PSD3: variants seen among roughly 807,000 people sequenced by gnomAD.
PSD3 encodes the protein PH and SEC7 domain-containing protein 3.
Under a neutral mutation model 105.5 loss-of-function variants are expected in PSD3, and 49 were observed. That is an observed-to-expected ratio of 0.46 (90% CI 0.37 to 0.59). PSD3 has a LOEUF of 0.59. PSD3 is among the 20% of genes least tolerant of loss of function. PSD3 has a pLI of 0.00. For missense variants in PSD3, 1,561 were observed against 1,263.8 expected (o/e 1.24, Z -3.57); for synonymous variants, 557 against 457.8 (o/e 1.22, Z -2.77).
chr8:18,764,456 T>TC lies in PSD3; in HGVS notation c.2172+992dup, dbSNP rs530341730. Among the ~76,000 whole-genome samples the TC allele has an allele frequency of 1.2e-3, 180 of 152,344 alleles. 1 individual carries two copies. Among genetic ancestry groups the TC allele is most frequent in the Admixed American group, 3.3e-3 (50 of 15,298 alleles). ...GCTACTTTTCTTCCTGATTTTTTTT[T>TC]CATAATTTCTTGTAATGTGCTGCAA... On this transcript the variant is annotated intron_variant, in intron 9 of 15. Transcript: ENST00000327040.
At chr8:18,985,062 T>C (rs142072681) in intron 1 of PSD3, among the ~76,000 whole-genome samples, 8 of 152,074 alleles carry the variant, frequency 5.3e-5, no homozygotes, top group South Asian at 2.1e-4. Flanking sequence ...GTCTCCGGAG[T>C]AGCTGGGATT....
chr8:18,736,143 A>G (rs551454685), intron 9 of PSD3, among the ~76,000 whole-genome samples: 2 of 152,328 alleles, frequency 1.3e-5, no homozygotes, highest in African/African-American at 4.8e-5. Flanking sequence ...TAAACCTTAT[A>G]TATCTCACGT....
At chr8:18,666,442 C>G (rs987375703) in intron 9 of PSD3, among the ~76,000 whole-genome samples, 2 of 152,234 alleles carry the variant, frequency 1.3e-5, no homozygotes, top group African/African-American at 4.8e-5. Context: ...TGGTCTAGAA[C>G]TGAACCTGTA....
intron 7 of PSD3, 66 bp downstream of exon 7, chr8:18,801,204 A>G: frequency 1.0e-6 from 1 of 991,308 alleles, no homozygotes; most frequent in East Asian, 2.5e-5. Context: ...AATAAAATTT[A>G]ACTTTCATAA....
At chr8:19,052,393 A>G (rs1828559653) in intron 1 of PSD3, among the ~76,000 whole-genome samples, 1 of 151,300 alleles carries the variant, frequency 6.6e-6, no homozygotes, top group Admixed American at 6.6e-5. Flanking sequence ...AATCACTTGA[A>G]CCCAGGAGGC....
rs544160302 is a variant in PSD3 at position 18,911,815 on chromosome 8, A to ATGTGT, written c.130+24218_130+24219insACACA. Among the ~76,000 whole-genome samples, 131 of 152,282 alleles carry ATGTGT rather than the reference A, an allele frequency of 8.6e-4. 2 individuals carry two copies. The South Asian group carries it at 0.026, about 30-fold the overall frequency. ...TCTACCCCCCACCACACACATCACT[A>ATGTGT]GTCATCATGAACACAATGAAGCAGA... On this transcript the variant is annotated intron_variant, in intron 2 of 15. Coordinates refer to ENST00000327040, the MANE Select transcript of PSD3 (RefSeq NM_015310.4).
chr8:18,738,816 C>A (rs1157723262), intron 9 of PSD3, among the ~76,000 whole-genome samples: 1 of 151,456 alleles, frequency 6.6e-6, no homozygotes, highest in Non-Finnish European at 1.5e-5. Flanking sequence ...TATACCACAC[C>A]CGCTCCGAAA....
intron 1 of PSD3, among the ~76,000 whole-genome samples, chr8:18,985,306 G>A (rs914426349): frequency 4.5e-4 from 68 of 152,072 alleles, no homozygotes; most frequent in African/African-American, 1.5e-3. Context: ...TATACCTCCT[G>A]TAAAATTATG....
intron 1 of PSD3, among the ~76,000 whole-genome samples, chr8:18,958,802 T>A (rs954296285): frequency 3.3e-5 from 5 of 152,196 alleles, no homozygotes; most frequent in African/African-American, 1.2e-4. Flanking sequence ...ACAAAGAACT[T>A]CTACAAATCT....
Position 18,779,035 on chromosome 8 carries a change from ATCT to A in PSD3, c.2083-13500_2083-13498del, listed in dbSNP as rs146351775. Among the ~76,000 whole-genome samples, 1,027 of 152,170 alleles carry A rather than the reference ATCT, an allele frequency of 6.7e-3. 12 individuals are homozygous for A. The highest frequency in any genetic ancestry group is 0.023 in the African/African-American group (968 of 41,522). Reference sequence around the variant, plus strand: ...ATAGTTTGAGGAGAACTGATGTTAGATCTTCTTTGTAAGTTTGTAGCATTCAGC... The same window carrying A: ...ATAGTTTGAGGAGAACTGATGTTAGATCTTTGTAAGTTTGTAGCATTCAGC... On this transcript the variant is annotated intron_variant, in intron 8 of 15. Transcript: ENST00000327040.
chr8:18,879,084 ACACG>A (rs879424807), intron 2 of PSD3, among the ~76,000 whole-genome samples: 3,463 of 129,864 alleles, frequency 0.027, 42 homozygotes, highest in African/African-American at 0.05. Flanking sequence ...ACACACACAC[ACACG>A]CACACACAAC....
At chr8:18,720,677 C>T (rs558980934) in intron 9 of PSD3, among the ~76,000 whole-genome samples, 1 of 152,184 alleles carries the variant, frequency 6.6e-6, no homozygotes, top group East Asian at 1.9e-4. Flanking sequence ...AGTACAAACC[C>T]ATCCTCCCTG....
At chr8:18,986,821 G>A (rs1825519921) in intron 1 of PSD3, among the ~76,000 whole-genome samples, 1 of 152,184 alleles carries the variant, frequency 6.6e-6, no homozygotes, top group Admixed American at 6.5e-5. Context: ...GCAGTGGGCA[G>A]ATAAGGAACT....
At chr8:18,721,354 A>C (rs1197557820) in intron 9 of PSD3, among the ~76,000 whole-genome samples, 1 of 152,060 alleles carries the variant, frequency 6.6e-6, no homozygotes, top group African/African-American at 2.4e-5. Flanking sequence ...CATGCCTACA[A>C]ATGTCTATCA....
At chr8:18,571,939 T>G (rs530864186) in intron 14 of PSD3, among the ~76,000 whole-genome samples, 34 of 152,268 alleles carry the variant, frequency 2.2e-4, no homozygotes, top group African/African-American at 7.5e-4. Context: ...AAAAAGGACA[T>G]GATAAAATAT....
At position 18,879,074 on chromosome 8, in the gene PSD3, A is replaced by G. The variant is rs1456899683; in HGVS notation, c.131-6341T>C. On this transcript the variant is annotated intron_variant, in intron 2 of 15. Transcript: ENST00000327040. ...CAAACACACACACACACACACACAC[A>G]CACACACACACACGCACACACAACT... Among the ~76,000 whole-genome samples, 74 of 150,146 alleles carry G rather than the reference A, an allele frequency of 4.9e-4. 1 individual carries two copies. The highest frequency in any genetic ancestry group is 1.0e-3 in the African/African-American group (41 of 40,766).
rs1274491121 is a variant in PSD3, at chr8:18,867,955, G to T, written c.1353C>A (p.Asn451Lys). 1.2e-6 allele frequency: 2 copies of T among 1,614,220 alleles called. No homozygotes were observed. The highest frequency in any genetic ancestry group is 3.3e-4 in the Middle Eastern group (2 of 6,062). Residue 451 changes from asparagine (N) to lysine (K), a missense_variant, in exon 4 of 16, where the codon AAC becomes AAA. By Grantham distance (94) the Asn-to-Lys change is moderately conservative. Transcript: ENST00000327040. ...ACTCTGCACTGTAGTATAAAGAAGT[G>T]TTGTCCAAAATGGTTTCAAACTGGG... Reference protein sequence around the residue: ...YSSQFETILDNTSLYYSAESL... With the variant: ...YSSQFETILDKTSLYYSAESL...
At chr8:18,682,156 C>G (rs927780759) in intron 9 of PSD3, among the ~76,000 whole-genome samples, 2 of 152,148 alleles carry the variant, frequency 1.3e-5, no homozygotes, top group African/African-American at 2.4e-5. Context: ...AACCATAATT[C>G]TGGGTGAACC....
At chr8:18,846,046 T>G (rs1267011995) in intron 4 of PSD3, among the ~76,000 whole-genome samples, 1 of 152,184 alleles carries the variant, frequency 6.6e-6, no homozygotes, top group Non-Finnish European at 1.5e-5. Context: ...AGAGATGGGA[T>G]GTATATTAAA....
Sources: gnomAD v4.1 joint callset for allele counts (sites outside exome capture counted in the v4.1 genomes callset) on GRCh38, gnomAD v4.1.1 for gene constraint, MANE v1.5 for transcripts, NCBI Gene and HGNC (gene_info 2026-07-23, HGNC 2026-07-21) for gene names.